CACUL1: variants seen among roughly 807,000 people sequenced by gnomAD.
CACUL1 encodes CDK2-associated and cullin domain-containing protein 1.
Under a neutral mutation model 45.2 loss-of-function variants are expected in CACUL1, and 13 were observed. The ratio of observed to expected loss-of-function variants is 0.29; its 90% CI spans 0.19 to 0.46. CACUL1 has a LOEUF of 0.46. CACUL1 is among the 20% of genes least tolerant of loss of function. The pLI, the probability that CACUL1 is intolerant of heterozygous loss-of-function variation, is 1.00. For synonymous variants in CACUL1, 197 were observed against 174.2 expected (o/e 1.13, Z -1.03); for missense variants, 421 against 471.4 (o/e 0.89, Z 0.99).
chr10:118,729,869 T>C (rs1845683045), intron 2 of CACUL1, among the ~76,000 whole-genome samples: 1 of 152,194 alleles, frequency 6.6e-6, no homozygotes, highest in Non-Finnish European at 1.5e-5. Context: ...GCTGATCTCA[T>C]ATCCCACCCC....
chr10:118,751,927 G>A (rs1474441126), intron 1 of CACUL1, among the ~76,000 whole-genome samples: 2 of 152,090 alleles, frequency 1.3e-5, no homozygotes, highest in African/African-American at 4.8e-5. Flanking sequence ...AGACTTTAGA[G>A]TTTTGTTGCT....
chr10:118,723,059 A>G (rs555595486), intron 3 of CACUL1, among the ~76,000 whole-genome samples: 8 of 152,326 alleles, frequency 5.3e-5, no homozygotes, highest in African/African-American at 1.4e-4. Flanking sequence ...TCCACAAGGA[A>G]CAGTACCAAT....
chr10:118,738,909 A>AC (rs1417974522), intron 1 of CACUL1, among the ~76,000 whole-genome samples: 1 of 149,478 alleles, frequency 6.7e-6, no homozygotes, highest in Non-Finnish European at 1.5e-5. Flanking sequence ...AAAAAAAAAA[A>AC]AAAAAAGCCT....
In CACUL1 at chr10:118,676,809, T is replaced by C. The variant is rs1008041103; in HGVS notation, c.*9319A>G. ...TATGTATTGGTAACATATGTTCAAA[T>C]TTAAACATTTTAAAATATATATGTC... is the stretch of plus-strand genomic sequence containing the variant. On this transcript the variant is annotated 3_prime_UTR_variant, in exon 9 of 9. Transcript: ENST00000369151. The C allele has an allele frequency of 6.7e-6, 1 of 148,942 alleles. No homozygotes were observed. The highest frequency in any genetic ancestry group is 1.5e-5 in the Non-Finnish European group (1 of 67,624). The allele number at this position is 148,942 out of a possible 1,614,324, so 9.2% of individuals were successfully genotyped here.
At chr10:118,731,004 C>T (rs557846659) in intron 1 of CACUL1, among the ~76,000 whole-genome samples, 2 of 152,274 alleles carry the variant, frequency 1.3e-5, no homozygotes, top group East Asian at 3.9e-4. Context: ...ACTGGATAAG[C>T]CCAACAGAAA....
intron 4 of CACUL1, among the ~76,000 whole-genome samples, chr10:118,706,763 G>C (rs1304114747): frequency 6.6e-6 from 1 of 152,176 alleles, no homozygotes; most frequent in African/African-American, 2.4e-5. Context: ...GCACTACATG[G>C]TCTTTTGGAA....
At chr10:118,722,853 C>A (rs1315270011) in intron 3 of CACUL1, among the ~76,000 whole-genome samples, 3 of 152,206 alleles carry the variant, frequency 2.0e-5, no homozygotes, top group Admixed American at 6.5e-5. Flanking sequence ...GTCAGTTGAC[C>A]ATTGCCATGG....
At chr10:118,728,038 A>G (rs1441449352) in intron 3 of CACUL1, among the ~76,000 whole-genome samples, 3 of 152,232 alleles carry the variant, frequency 2.0e-5, no homozygotes, top group Non-Finnish European at 4.4e-5. Context: ...AAAGATGAAG[A>G]AAGAAATTTA....
In CACUL1 at chr10:118,721,155, CAT is replaced by C. The variant is rs540021097; in HGVS notation, c.597+8138_597+8139del. 7.2e-5 allele frequency among the ~76,000 whole-genome samples: 11 copies of C among 152,296 alleles called. No homozygotes were observed. In the South Asian group the frequency reaches 1.7e-3, roughly 23 times the overall value. On this transcript the variant is annotated intron_variant, in intron 3 of 8. Coordinates refer to ENST00000369151, the MANE Select transcript of CACUL1 (RefSeq NM_153810.5). ...TTTAGAAATTAAAACCTTTAAAACA[CAT>C]AAAAAATTTCAAATGACCGTACACA...
intron 1 of CACUL1, among the ~76,000 whole-genome samples, chr10:118,746,151 CAAAAA>C (rs376453440): frequency 1.1e-5 from 1 of 91,288 alleles, no homozygotes; most frequent in Admixed American, 1.3e-4. Flanking sequence ...GACACTGTCT[CAAAAA>C]AAAAAAAAAA....
intron 7 of CACUL1, among the ~76,000 whole-genome samples, chr10:118,689,186 A>C (rs1845237081): frequency 6.6e-6 from 1 of 152,244 alleles, no homozygotes; most frequent in East Asian, 1.9e-4. Context: ...TTAAGGCATT[A>C]AGTTGGACAG....
At chr10:118,726,810 T>C in intron 3 of CACUL1, among the ~76,000 whole-genome samples, 1 of 152,108 alleles carries the variant, frequency 6.6e-6, no homozygotes, top group South Asian at 2.1e-4. Context: ...TTCATTTTAA[T>C]GTCAAGAAAA....
chr10:118,746,258 C>T (rs1369594166), intron 1 of CACUL1, among the ~76,000 whole-genome samples: 1 of 151,848 alleles, frequency 6.6e-6, no homozygotes, highest in Non-Finnish European at 1.5e-5. Flanking sequence ...TGCAACAATC[C>T]TAAATCTGAT....
At chr10:118,691,081 T>G (rs1399081379) in intron 7 of CACUL1, among the ~76,000 whole-genome samples, 184 bp downstream of exon 7, 1 of 152,124 alleles carries the variant, frequency 6.6e-6, no homozygotes, top group Non-Finnish European at 1.5e-5. Flanking sequence ...GAAGAGCAGC[T>G]TCCACAAAAT....
At chr10:118,741,467 C>CAG (rs779005705) in intron 1 of CACUL1, among the ~76,000 whole-genome samples, 1 of 151,404 alleles carries the variant, frequency 6.6e-6, no homozygotes, top group South Asian at 2.1e-4. Flanking sequence ...GACAGACAGA[C>CAG]ACACACACAC....
intron 1 of CACUL1, among the ~76,000 whole-genome samples, chr10:118,736,921 T>C (rs556002222): frequency 1.3e-5 from 2 of 152,294 alleles, no homozygotes; most frequent in African/African-American, 2.4e-5. Context: ...GTACATATCA[T>C]ACAGGTTTGT....
chr10:118,729,466 A>G (rs1589615018), intron 2 of CACUL1, 69 bp from the exon 3 acceptor site: 2 of 1,093,790 alleles, frequency 1.8e-6, no homozygotes, highest in Non-Finnish European at 2.7e-6. Context: ...CCAAGGTTAA[A>G]GCACACTTTT....
chr10:118,747,065 G>T (rs1309948899), intron 1 of CACUL1, among the ~76,000 whole-genome samples: 1 of 152,118 alleles, frequency 6.6e-6, no homozygotes, highest in African/African-American at 2.4e-5. Context: ...ATAACGCAAG[G>T]GATCTAGGTT....
intron 1 of CACUL1, among the ~76,000 whole-genome samples, chr10:118,747,184 C>G (rs1845850876): frequency 1.3e-5 from 2 of 152,204 alleles, no homozygotes; most frequent in Non-Finnish European, 1.5e-5. Context: ...CAACTGGTCC[C>G]TGGTGGGGAC....
Sources: gnomAD v4.1 joint callset for allele counts (sites outside exome capture counted in the v4.1 genomes callset) on GRCh38, gnomAD v4.1.1 for gene constraint, MANE v1.5 for transcripts, NCBI Gene and HGNC (gene_info 2026-07-23, HGNC 2026-07-21) for gene names.